PGRMC1: variants seen among roughly 807,000 people sequenced by gnomAD.
PGRMC1 encodes membrane-associated progesterone receptor component 1.
For synonymous variants in PGRMC1, 73 were observed against 77.3 expected (o/e 0.94, Z 0.29); for missense variants, 145 against 169.0 (o/e 0.86, Z 0.79).
chrX:119,243,468 CTGTAATACACA>C lies in PGRMC1; in HGVS notation c.*218_*228del. 1 of 423,154 alleles carries C rather than the reference CTGTAATACACA, an allele frequency of 2.4e-6. No homozygotes were observed. The highest frequency in any genetic ancestry group is 4.2e-6 in the Non-Finnish European group (1 of 239,190). 34.9% of individuals were successfully genotyped at this position (423,154 alleles called of 1,213,427 possible). A position where few individuals can be genotyped will look rare whatever the true frequency, so the allele number is the denominator to read the frequency against. ...CAAATCCAGAAAGTGAACTGCAGTG[CTGTAATACACA>C]TGTTAATACTGTTTTTCTTCTATCT... On this transcript the variant is annotated 3_prime_UTR_variant, in exon 3 of 3. Transcript: ENST00000217971.
chrX:119,239,625 T>C (rs1930773034), intron 1 of PGRMC1, among the ~76,000 whole-genome samples: 1 of 112,139 alleles, frequency 8.9e-6, no homozygotes, highest in African/African-American at 3.2e-5. Context: ...TGATTCAGCC[T>C]CTTTTCCATG....
Position 119,242,689 on chromosome X carries a change from C to T in PGRMC1, c.485-462C>T, listed in dbSNP as rs947541087. Among the ~76,000 whole-genome samples the T allele has an allele frequency of 9.8e-5, 11 of 111,911 alleles. No individual in the cohort carries two copies. The East Asian group carries it at 2.5e-3, about 26-fold the overall frequency. On this transcript the variant is annotated intron_variant, in intron 2 of 2. Transcript: ENST00000217971. ...TCCTACTAACTTCTAAATGTTAACT[C>T]TACTCCTGCCAACTTGGTCTCTTCA...
chrX:119,242,427 G>A (rs983313945), intron 2 of PGRMC1, among the ~76,000 whole-genome samples: 6 of 110,655 alleles, frequency 5.4e-5, no homozygotes, highest in African/African-American at 1.6e-4. Flanking sequence ...TGCTCCTGGC[G>A]CTGGTTCCTT....
chrX:119,240,409 T>G lies in PGRMC1; in HGVS notation c.429T>G (p.Ser143=). The G allele has an allele frequency of 8.3e-7, 1 of 1,207,778 alleles. No homozygotes were observed. ...TGAAGGATGAGTACGATGACCTTTCTGACCTCACTGCTGCCCAGCAGGAGA... is the reference window on the plus strand; with the variant it reads ...TGAAGGATGAGTACGATGACCTTTCGGACCTCACTGCTGCCCAGCAGGAGA... ...EALKDEYDDL[S]DLTAAQQETL... Residue 143 remains serine, a synonymous_variant, in exon 2 of 3, where the codon TCT becomes TCG. Transcript: ENST00000217971.
chrX:119,243,257 C>T lies in PGRMC1; in HGVS notation c.*3C>T, dbSNP rs1930862230. ...AGAGTGCCCGGAAAAATGATTAAAG[C>T]ATTCAGTGGAAGTATATCTATTTTT... On this transcript the variant is annotated 3_prime_UTR_variant, in exon 3 of 3. Coordinates refer to ENST00000217971, the MANE Select transcript of PGRMC1 (RefSeq NM_006667.5). 9.0e-7 allele frequency: 1 copy of T among 1,106,352 alleles called. No homozygotes were observed. The highest frequency in any genetic ancestry group is 1.3e-6 in the Non-Finnish European group (1 of 799,253). The allele number at this position is 1,106,352 out of a possible 1,213,427, so 91.2% of individuals were successfully genotyped here.
rs1930688673 is a variant in PGRMC1 at position 119,236,304 on chromosome X, G to A, written c.-60G>A. Reference sequence around the variant, plus strand: ...CGCGCCACTCGCTCGCTCAGAGGGAGGAGAAAGTGGCGAGTTCCGGATCCC... The same window carrying A: ...CGCGCCACTCGCTCGCTCAGAGGGAAGAGAAAGTGGCGAGTTCCGGATCCC... On this transcript the variant is annotated 5_prime_UTR_variant, in exon 1 of 3. Transcript: ENST00000217971. The A allele has an allele frequency of 2.8e-6, 3 of 1,059,545 alleles. No individual in the cohort carries two copies. Among genetic ancestry groups the A allele is most frequent in the Non-Finnish European group, 2.6e-6 (2 of 766,739 alleles). The allele number at this position is 1,059,545 out of a possible 1,213,427, so 87.3% of individuals were successfully genotyped here.
In PGRMC1 at chrX:119,243,768, A is replaced by G; in HGVS notation, c.*514A>G. 7.9e-6 allele frequency: 1 copy of G among 126,641 alleles called. No homozygotes were observed. Among genetic ancestry groups the G allele is most frequent in the South Asian group, 2.6e-4 (1 of 3,880 alleles). 10.4% of individuals were successfully genotyped at this position (126,641 alleles called of 1,213,427 possible). A position where few individuals can be genotyped will look rare whatever the true frequency, so the allele number is the denominator to read the frequency against. On this transcript the variant is annotated 3_prime_UTR_variant, in exon 3 of 3. Coordinates refer to ENST00000217971, the MANE Select transcript of PGRMC1 (RefSeq NM_006667.5). ...TAAGCGCTGTCCAGTAACAAAATGA[A>G]ATCTCAAAACAGAGCTCAGCTGCAA...
intron 2 of PGRMC1, among the ~76,000 whole-genome samples, chrX:119,242,890 T>G (rs2499041): frequency 0.047 from 5,322 of 112,328 alleles, 327 homozygotes; most frequent in African/African-American, 0.16. Flanking sequence ...TAAACATTCC[T>G]TACACACAAA....
intron 2 of PGRMC1, 73 bp downstream of exon 2, chrX:119,240,537 T>G: frequency 2.2e-6 from 2 of 893,169 alleles, no homozygotes; most frequent in South Asian, 2.0e-5. Flanking sequence ...ACAATAGTTA[T>G]TACTAAGCAG....
chrX:119,236,576 C>A lies in PGRMC1; in HGVS notation c.213C>A (p.Arg71=), dbSNP rs1272457874. The change falls in exon 1 of 3, where the codon CGC becomes CGA. Residue 71 remains arginine (R), a synonymous_variant. Coordinates refer to ENST00000217971, the MANE Select transcript of PGRMC1 (RefSeq NM_006667.5). The part of the protein sequence containing the change: ...EPPPLPRLKR[R]DFTPAELRRF... ...CCCCTCTGCCCCGCCTCAAGCGGCGCGACTTCACCCCCGCCGAGCTGCGGC... is the reference window on the plus strand; with the variant it reads ...CCCCTCTGCCCCGCCTCAAGCGGCGAGACTTCACCCCCGCCGAGCTGCGGC... The A allele has an allele frequency of 8.3e-7, 1 of 1,208,165 alleles. No individual in the cohort carries two copies. Among genetic ancestry groups the A allele is most frequent in the Admixed American group, 2.2e-5 (1 of 45,934 alleles).
chrX:119,236,839 G>A, intron 1 of PGRMC1, 148 bp downstream of exon 1: 2 of 507,124 alleles, frequency 3.9e-6, no homozygotes, highest in Non-Finnish European at 6.4e-6. Flanking sequence ...CGGGCAGGCG[G>A]AGAGCCGGGA....
chrX:119,236,286 C>G lies in PGRMC1; in HGVS notation c.-78C>G. On this transcript the variant is annotated 5_prime_UTR_variant, in exon 1 of 3. Transcript: ENST00000217971. ...GGCCGCCGCCGAACCCCGCGCGCCACTCGCTCGCTCAGAGGGAGGAGAAAG... is the reference window on the plus strand; with the variant it reads ...GGCCGCCGCCGAACCCCGCGCGCCAGTCGCTCGCTCAGAGGGAGGAGAAAG... The G allele has an allele frequency of 1.0e-6, 1 of 993,638 alleles. No homozygotes were observed. The highest frequency in any genetic ancestry group is 2.3e-5 in the Admixed American group (1 of 44,027). The allele number at this position is 993,638 out of a possible 1,213,427, so 81.9% of individuals were successfully genotyped here. A position where few individuals can be genotyped will look rare whatever the true frequency, so the allele number is the denominator to read the frequency against.
Position 119,243,488 on chromosome X carries a change from C to G in PGRMC1, c.*234C>G. On this transcript the variant is annotated 3_prime_UTR_variant, in exon 3 of 3. Coordinates refer to ENST00000217971, the MANE Select transcript of PGRMC1 (RefSeq NM_006667.5). Reference sequence around the variant, plus strand: ...CAGTGCTGTAATACACATGTTAATACTGTTTTTCTTCTATCTGTAGTTAGT... The same window carrying G: ...CAGTGCTGTAATACACATGTTAATAGTGTTTTTCTTCTATCTGTAGTTAGT... 3 of 394,045 alleles carry G rather than the reference C, an allele frequency of 7.6e-6. No individual in the cohort carries two copies. The highest frequency in any genetic ancestry group is 8.9e-6 in the Non-Finnish European group (2 of 223,678). 32.5% of individuals were successfully genotyped at this position (394,045 alleles called of 1,213,427 possible).
rs1035586135 is a variant in PGRMC1, at chrX:119,242,021, G to A, written c.485-1130G>A. 3.6e-5 allele frequency among the ~76,000 whole-genome samples: 4 copies of A among 111,453 alleles called. No individual in the cohort carries two copies. The East Asian group carries it at 8.4e-4, about 23-fold the overall frequency. On this transcript the variant is annotated intron_variant, in intron 2 of 2. Coordinates refer to ENST00000217971, the MANE Select transcript of PGRMC1 (RefSeq NM_006667.5). ...GGTTTTTCTCTGTGCTGGGAAAAAC[G>A]TTCTGTCTCTTGCTCTCCTCTTCAT...
At chrX:119,238,003 C>G (rs1175937454) in intron 1 of PGRMC1, among the ~76,000 whole-genome samples, 1 of 111,081 alleles carries the variant, frequency 9.0e-6, no homozygotes, top group East Asian at 2.8e-4. Flanking sequence ...GGTTTTGGCT[C>G]CTCCAATATG....
intron 2 of PGRMC1, among the ~76,000 whole-genome samples, chrX:119,242,211 C>CT (rs369817416): frequency 2.7e-3 from 285 of 104,440 alleles, no homozygotes; most frequent in African/African-American, 8.6e-3. Context: ...TCAGGGAAAC[C>CT]TTTTTTTTTT....
At position 119,236,515 on chromosome X, in the gene PGRMC1, C is replaced by T; in HGVS notation, c.152C>T (p.Pro51Leu). ...TACAAGATCGTGCGCGGGGACCAGCCGGCGGCCAGCGGCGACAGCGACGAC... is the reference window on the plus strand; with the variant it reads ...TACAAGATCGTGCGCGGGGACCAGCTGGCGGCCAGCGGCGACAGCGACGAC... ...LLYKIVRGDQ[P>L]AASGDSDDDE... is the part of the protein sequence containing the mutation. The change falls in exon 1 of 3, where the codon CCG becomes CTG. Residue 51 changes from proline to leucine, a missense_variant. Pro to Leu is a moderately conservative substitution (Grantham distance 98). Transcript: ENST00000217971. 1 of 1,209,646 alleles carries T rather than the reference C, an allele frequency of 8.3e-7. No individual in the cohort carries two copies. Among genetic ancestry groups the T allele is most frequent in the South Asian group, 1.8e-5 (1 of 56,840 alleles).
chrX:119,240,652 C>T (rs979945993), intron 2 of PGRMC1, among the ~76,000 whole-genome samples, 188 bp downstream of exon 2: 1 of 111,641 alleles, frequency 9.0e-6, no homozygotes, highest in South Asian at 3.8e-4. Context: ...TGATTGCATA[C>T]CAATTTTTAG....
Position 119,236,286 on chromosome X carries a change from C to A in PGRMC1, c.-78C>A. The A allele has an allele frequency of 2.0e-6, 2 of 993,635 alleles. No individual in the cohort carries two copies. The highest frequency in any genetic ancestry group is 2.8e-6 in the Non-Finnish European group (2 of 711,467). 81.9% of individuals were successfully genotyped at this position (993,635 alleles called of 1,213,427 possible). A position where few individuals can be genotyped will look rare whatever the true frequency, so the allele number is the denominator to read the frequency against. ...GGCCGCCGCCGAACCCCGCGCGCCA[C>A]TCGCTCGCTCAGAGGGAGGAGAAAG... On this transcript the variant is annotated 5_prime_UTR_variant, in exon 1 of 3. Transcript: ENST00000217971.
Sources: allele counts gnomAD v4.1 joint callset (sites outside exome capture counted in the v4.1 genomes callset), GRCh38; gene constraint gnomAD v4.1.1; transcripts MANE v1.5; gene names NCBI Gene and HGNC (gene_info 2026-07-23, HGNC 2026-07-21).